The following BBOX1 variants were observed in gnomAD, a reference collection of about 807,000 sequenced individuals.
The protein encoded by BBOX1 is gamma-butyrobetaine dioxygenase.
Under a neutral mutation model 41.6 loss-of-function variants are expected in BBOX1, and 35 were observed. The observed-to-expected ratio is 0.84, with a 90% CI of 0.64 to 1.11. The LOEUF (loss-of-function observed/expected upper bound fraction) is 1.11, where lower values mean the gene tolerates loss of function less well. Among genes scored for constraint, BBOX1 ranks in the 50% most tolerant of loss-of-function variants. The pLI, the probability that BBOX1 is intolerant of heterozygous loss-of-function variation, is 0.00. For synonymous variants in BBOX1, 163 were observed against 154.7 expected (o/e 1.05, Z -0.40); for missense variants, 458 against 460.6 (o/e 0.99, Z 0.05).
Position 27,097,233 on chromosome 11 carries a change from A to G in BBOX1, c.533+3867A>G, listed in dbSNP as rs190682548. 1.4e-4 allele frequency among the ~76,000 whole-genome samples: 22 copies of G among 152,180 alleles called. No homozygotes were observed. In the East Asian group the frequency reaches 3.7e-3, roughly 25 times the overall value. ...TGTCCTTTCTCCCCCACCAAAAAAAAGAAAATCAATGAAAATAATTTTCTG... is the reference window on the plus strand; with the variant it reads ...TGTCCTTTCTCCCCCACCAAAAAAAGGAAAATCAATGAAAATAATTTTCTG... On this transcript the variant is annotated intron_variant, in intron 5 of 8. Transcript: ENST00000263182.
At chr11:27,075,190 A>C (rs1206475768) in intron 4 of BBOX1, among the ~76,000 whole-genome samples, 1 of 152,002 alleles carries the variant, frequency 6.6e-6, no homozygotes, top group Non-Finnish European at 1.5e-5. Context: ...AGTTTATTGC[A>C]GCCTTATTCA....
intron 5 of BBOX1, among the ~76,000 whole-genome samples, chr11:27,101,742 C>A (rs910281699): frequency 6.6e-6 from 1 of 151,936 alleles, no homozygotes; most frequent in African/African-American, 2.4e-5. Flanking sequence ...GTACAAGAGA[C>A]AAAAATTGTA....
chr11:27,043,163 A>G (rs1851384389), intron 2 of BBOX1, among the ~76,000 whole-genome samples: 1 of 151,906 alleles, frequency 6.6e-6, no homozygotes, highest in South Asian at 2.1e-4. Context: ...TCCCGGGTTC[A>G]CGCCATTCTC....
intron 4 of BBOX1, among the ~76,000 whole-genome samples, chr11:27,073,917 G>A (rs968309262): frequency 2.0e-5 from 3 of 151,972 alleles, no homozygotes; most frequent in African/African-American, 7.2e-5. Context: ...CTGTTGTGGG[G>A]TGGGGGTAAG....
At chr11:27,111,923 T>C (rs968782006) in intron 5 of BBOX1, among the ~76,000 whole-genome samples, 1 of 151,910 alleles carries the variant, frequency 6.6e-6, no homozygotes, top group East Asian at 1.9e-4. Flanking sequence ...CCTTGACGAA[T>C]TAATGGATAT....
chr11:27,119,548 T>C (rs955757603), intron 6 of BBOX1, 101 bp from the exon 7 acceptor site: 6 of 700,400 alleles, frequency 8.6e-6, no homozygotes, highest in Admixed American at 4.6e-5. Context: ...AAATGGTGCA[T>C]GTATATTATT....
At chr11:27,054,444 T>G (rs979855752) in intron 2 of BBOX1, among the ~76,000 whole-genome samples, 3 of 152,114 alleles carry the variant, frequency 2.0e-5, no homozygotes, top group Admixed American at 1.3e-4. Flanking sequence ...AAATAACATA[T>G]GAAGAAAGTA....
intron 2 of BBOX1, among the ~76,000 whole-genome samples, chr11:27,044,349 A>G (rs973595408): frequency 1.3e-5 from 2 of 151,980 alleles, no homozygotes; most frequent in Admixed American, 6.6e-5. Context: ...CCTTTGTCAG[A>G]TGGATAGATT....
chr11:27,082,484 A>G (rs1320959330), intron 4 of BBOX1, among the ~76,000 whole-genome samples: 1 of 152,112 alleles, frequency 6.6e-6, no homozygotes, highest in Non-Finnish European at 1.5e-5. Context: ...GAAGTCTGGG[A>G]TAATAATCTT....
intron 7 of BBOX1, among the ~76,000 whole-genome samples, chr11:27,124,960 A>G (rs1859598008): frequency 6.6e-6 from 1 of 152,228 alleles, no homozygotes. Context: ...CTCCCAAGGT[A>G]CTAAAAAATA....
intron 4 of BBOX1, among the ~76,000 whole-genome samples, chr11:27,092,913 T>G (rs574096631): frequency 6.6e-6 from 1 of 151,890 alleles, no homozygotes; most frequent in Admixed American, 6.6e-5. Context: ...CTAAACAATA[T>G]TCCCTTAACA....
At chr11:27,119,936 C>A in intron 7 of BBOX1, 91 bp downstream of exon 7, 4 of 723,582 alleles carry the variant, frequency 5.5e-6, no homozygotes, top group Non-Finnish European at 7.9e-6. Flanking sequence ...AAAACTTCAA[C>A]GAACTTCAGA....
At chr11:27,077,876 C>T (rs1006199716) in intron 4 of BBOX1, among the ~76,000 whole-genome samples, 1 of 152,040 alleles carries the variant, frequency 6.6e-6, no homozygotes, top group African/African-American at 2.4e-5. Flanking sequence ...GTATTACTGA[C>T]ATAACATGGC....
intron 2 of BBOX1, among the ~76,000 whole-genome samples, chr11:27,053,395 C>A (rs922975570): frequency 6.6e-6 from 1 of 152,054 alleles, no homozygotes; most frequent in Non-Finnish European, 1.5e-5. Context: ...TTTGTGCACA[C>A]CATGAACTAA....
chr11:27,117,987 A>T (rs1859326813), intron 6 of BBOX1, among the ~76,000 whole-genome samples: 1 of 151,984 alleles, frequency 6.6e-6, no homozygotes, highest in Admixed American at 6.6e-5. Context: ...ACTGATCCTG[A>T]GCTGGAATTT....
At chr11:27,048,336 A>G (rs562058050) in intron 2 of BBOX1, among the ~76,000 whole-genome samples, 3 of 152,198 alleles carry the variant, frequency 2.0e-5, no homozygotes, top group Admixed American at 1.3e-4. Context: ...GATTCCATGT[A>G]TAAGTGATAT....
intron 5 of BBOX1, among the ~76,000 whole-genome samples, chr11:27,101,708 A>T (rs979545156): frequency 3.3e-5 from 5 of 152,046 alleles, no homozygotes; most frequent in Admixed American, 6.6e-5. Flanking sequence ...TTTATTTTTA[A>T]ATTATTTTTG....
chr11:27,048,831 TG>T (rs1391848184), intron 2 of BBOX1, among the ~76,000 whole-genome samples: 1 of 149,736 alleles, frequency 6.7e-6, no homozygotes, highest in Non-Finnish European at 1.5e-5. Context: ...TGTGCCATGC[TG>T]GTGCGCTGCA....
At chr11:27,115,708 C>A in intron 6 of BBOX1, 151 bp downstream of exon 6, 1 of 529,998 alleles carries the variant, frequency 1.9e-6, no homozygotes. Context: ...AATCTCTGTA[C>A]CTAAATCCTA....
Sources: allele counts gnomAD v4.1 joint callset (sites outside exome capture counted in the v4.1 genomes callset), GRCh38; gene constraint gnomAD v4.1.1; transcripts MANE v1.5; gene names NCBI Gene and HGNC (gene_info 2026-07-23, HGNC 2026-07-21).